Variants in TMTC1 observed in about 807,000 individuals in gnomAD.
TMTC1 encodes protein O-mannosyl-transferase TMTC1.
TMTC1 carries 73 observed loss-of-function variants against 104.8 expected under a neutral mutation model. That is an observed-to-expected ratio of 0.70 (90% CI 0.58 to 0.85). The LOEUF (loss-of-function observed/expected upper bound fraction) is 0.85. TMTC1 is among the 40% of genes least tolerant of loss of function. The pLI, the probability that TMTC1 is intolerant of heterozygous loss-of-function variation, is 0.00. For missense variants in TMTC1, 1,035 were observed against 1,096.1 expected (o/e 0.94, Z 0.79); for synonymous variants, 434 against 428.7 (o/e 1.01, Z -0.15).
At chr12:29,769,230 A>C (rs550572648) in intron 1 of TMTC1, among the ~76,000 whole-genome samples, 1 of 152,350 alleles carries the variant, frequency 6.6e-6, no homozygotes, top group East Asian at 1.9e-4. Flanking sequence ...GGACATATGA[A>C]TGCAAATGTC....
chr12:29,557,098 G>C (rs1474315160), intron 9 of TMTC1, 98 bp from the exon 10 acceptor site: 21 of 1,311,912 alleles, frequency 1.6e-5, no homozygotes, highest in Admixed American at 2.2e-5. Flanking sequence ...CAGCCAAAAT[G>C]AAACACTGAA....
At position 29,783,628 on chromosome 12, in the gene TMTC1, C is replaced by G; in HGVS notation, c.124G>C (p.Gly42Arg). Residue 42 changes from glycine to arginine, a missense_variant, in exon 1 of 18, where the codon GGC becomes CGC. Transcript: ENST00000539277. This position sits in a 1 kb window ranked among gnomAD's most constrained non-coding sequence, Gnocchi z 4.7. ...ACGAACTCGCCCTGCAGGGAGCGGC[C>G]GTAGCACAGGCAGCTTGCCCCGGCC... is the stretch of plus-strand genomic sequence containing the variant. ...LLAGASCLCY[G>R]RSLQGEFVHD... 2 of 1,452,920 alleles carry G rather than the reference C, an allele frequency of 1.4e-6. No individual in the cohort carries two copies. The highest frequency in any genetic ancestry group is 9.1e-7 in the Non-Finnish European group (1 of 1,104,066). The allele number at this position is 1,452,920 out of a possible 1,614,324, so 90.0% of individuals were successfully genotyped here. A position where few individuals can be genotyped will look rare whatever the true frequency, so the allele number is the denominator to read the frequency against.
At chr12:29,702,260 G>A (rs1349171165) in intron 5 of TMTC1, among the ~76,000 whole-genome samples, 5 of 152,108 alleles carry the variant, frequency 3.3e-5, no homozygotes, top group Admixed American at 3.3e-4. Context: ...GTCTTCCAAT[G>A]ACAGCAATAT....
At chr12:29,572,299 T>C (rs1945700921) in intron 8 of TMTC1, 81 bp from the exon 9 acceptor site, 4 of 1,196,442 alleles carry the variant, frequency 3.3e-6, no homozygotes, top group Non-Finnish European at 4.8e-6. Flanking sequence ...CTCAGTTTCA[T>C]GAACCTGTAT....
intron 14 of TMTC1, 50 bp downstream of exon 14, chr12:29,517,377 T>A (rs367941462): frequency 1.2e-6 from 2 of 1,609,788 alleles, no homozygotes; most frequent in African/African-American, 1.3e-5. Flanking sequence ...GCTCTCTCTA[T>A]GGCTGCCTGT....
chr12:29,625,181 T>G (rs1817568759), intron 6 of TMTC1, among the ~76,000 whole-genome samples: 1 of 152,250 alleles, frequency 6.6e-6, no homozygotes, highest in South Asian at 2.1e-4. Flanking sequence ...TGTTTCTTTT[T>G]AACACAGAAC....
intron 11 of TMTC1, among the ~76,000 whole-genome samples, chr12:29,527,152 G>T (rs1944371184): frequency 6.6e-6 from 1 of 152,094 alleles, no homozygotes; most frequent in Admixed American, 6.5e-5. Context: ...ATGATCACAG[G>T]TCACTGTAGA....
intron 5 of TMTC1, among the ~76,000 whole-genome samples, chr12:29,678,044 T>C (rs1389491416): frequency 6.6e-6 from 1 of 152,200 alleles, no homozygotes; most frequent in East Asian, 1.9e-4. Context: ...CCCCCACAGA[T>C]AACAGGGAAG....
intron 8 of TMTC1, among the ~76,000 whole-genome samples, chr12:29,572,931 G>C (rs965399240): frequency 1.3e-5 from 2 of 152,186 alleles, no homozygotes; most frequent in Non-Finnish European, 2.9e-5. Flanking sequence ...ACCACAACCT[G>C]CTCTACAAAA....
At chr12:29,566,289 A>G (rs1374144879) in intron 9 of TMTC1, among the ~76,000 whole-genome samples, 1 of 152,200 alleles carries the variant, frequency 6.6e-6, no homozygotes, top group Admixed American at 6.5e-5. Context: ...CCTGCAGCCC[A>G]GTGTGTCTGG....
intron 10 of TMTC1, among the ~76,000 whole-genome samples, chr12:29,551,655 A>G (rs1173538885): frequency 6.6e-6 from 1 of 152,190 alleles, no homozygotes; most frequent in African/African-American, 2.4e-5. Context: ...AGCTATTTTA[A>G]CAGAGCATTC....
In TMTC1 at chr12:29,740,927, G is replaced by A. The variant is rs139661950; in HGVS notation, c.938+10739C>T. Among the ~76,000 whole-genome samples the A allele has an allele frequency of 3.7e-3, 559 of 152,324 alleles. 8 individuals are homozygous for A. Among genetic ancestry groups the A allele is most frequent in the African/African-American group, 0.012 (489 of 41,568 alleles). On this transcript the variant is annotated intron_variant, in intron 5 of 17. Transcript: ENST00000539277. The stretch of plus-strand genomic sequence containing the variant: ...CCGTGTTCAACACATGTCCTCAAGT[G>A]TTGTTAGAGTCTAGTGTATTTTTCT...
chr12:29,571,581 CAT>C (rs917051291), intron 9 of TMTC1, among the ~76,000 whole-genome samples: 6 of 124,474 alleles, frequency 4.8e-5, no homozygotes, highest in Admixed American at 1.5e-4. Context: ...TACACACACA[CAT>C]ACACACACAC....
At chr12:29,562,285 C>G (rs1047547715) in intron 9 of TMTC1, among the ~76,000 whole-genome samples, 4 of 152,176 alleles carry the variant, frequency 2.6e-5, no homozygotes, top group Admixed American at 6.5e-5. Flanking sequence ...GGAAATGTGA[C>G]GCACTCTTCA....
intron 5 of TMTC1, among the ~76,000 whole-genome samples, chr12:29,656,358 T>A: frequency 8.2e-6 from 1 of 121,872 alleles, no homozygotes; most frequent in Admixed American, 8.1e-5. Context: ...ACACATATAC[T>A]TTTTTTTTTT....
Position 29,751,880 on chromosome 12 carries a change from G to T in TMTC1, c.732-8C>A. ...CAGAGGGCCCCATTGCTCCTGTTGT[G>T]CATGGAATTGAGGGAAAACAAAGTC... On this transcript the variant is annotated splice_polypyrimidine_tract_variant and splice_region_variant and intron_variant, in intron 4 of 17. Transcript: ENST00000539277. 2.6e-6 allele frequency: 4 copies of T among 1,542,056 alleles called. No homozygotes were observed. Among genetic ancestry groups the T allele is most frequent in the East Asian group, 4.8e-5 (2 of 41,334 alleles).
At chr12:29,527,143 T>A (rs893941804) in intron 11 of TMTC1, among the ~76,000 whole-genome samples, 1 of 152,346 alleles carries the variant, frequency 6.6e-6, no homozygotes, top group Non-Finnish European at 1.5e-5. Flanking sequence ...AATTAAAATA[T>A]GATCACAGGT....
At chr12:29,737,545 G>A (rs1470542883) in intron 5 of TMTC1, among the ~76,000 whole-genome samples, 2 of 152,064 alleles carry the variant, frequency 1.3e-5, no homozygotes, top group African/African-American at 2.4e-5. Context: ...AAAAAAGGGC[G>A]GCGGGAGGGG....
At chr12:29,573,978 G>C (rs767192715) in intron 8 of TMTC1, among the ~76,000 whole-genome samples, 5 of 152,068 alleles carry the variant, frequency 3.3e-5, no homozygotes, top group African/African-American at 9.7e-5. Flanking sequence ...TCAGAGAGGA[G>C]AGGAGAGGGA....
Sources: allele counts gnomAD v4.1 joint callset (sites outside exome capture counted in the v4.1 genomes callset), GRCh38; gene constraint gnomAD v4.1.1; non-coding constraint Gnocchi (gnomAD v3.1); transcripts MANE v1.5; gene names NCBI Gene and HGNC (gene_info 2026-07-23, HGNC 2026-07-21).